MID1: variants seen among roughly 807,000 people sequenced by gnomAD.
The protein encoded by MID1 is midline 1.
MID1 carries 7 observed loss-of-function variants against 40.4 expected under a neutral mutation model. The ratio of observed to expected loss-of-function variants is 0.17; its 90% CI spans 0.10 to 0.33. MID1 has a LOEUF of 0.33. Among genes scored for constraint, MID1 ranks in the 10% least tolerant of loss-of-function variants. MID1 has a pLI of 1.00. For missense variants in MID1, 367 were observed against 558.5 expected, an observed-to-expected ratio of 0.66 and a Z score of 3.46; for synonymous variants, 229 against 221.2, an observed-to-expected ratio of 1.04 and a Z score of -0.31.
In MID1 at chrX:10,567,399, GACTCC is replaced by G; in HGVS notation, c.144_148del (p.Glu49HisfsTer57). On this transcript the variant is annotated frameshift_variant, in exon 2 of 10. Coordinates refer to ENST00000317552, the MANE Select transcript of MID1 (RefSeq NM_000381.4). LOFTEE classifies it high-confidence loss of function. ...GGTGGGGCACTGGAAGGCGGTGATGGACTCCACAGACTCGTTGGTGGCACAGTGTG... is the reference window on the plus strand; with the variant it reads ...GGTGGGGCACTGGAAGGCGGTGATGGACAGACTCGTTGGTGGCACAGTGTG... 8.3e-7 allele frequency: 1 copy of G among 1,205,263 alleles called. No individual in the cohort carries two copies. Among genetic ancestry groups the G allele is most frequent in the Non-Finnish European group, 1.1e-6 (1 of 891,256 alleles).
intron 1 of MID1, among the ~76,000 whole-genome samples, chrX:10,824,402 G>T (rs1333739162): frequency 1.8e-5 from 2 of 112,248 alleles, no homozygotes; most frequent in Non-Finnish European, 3.8e-5. Context: ...ATTGGCAAAT[G>T]ATTTATTGGC....
chrX:10,500,254 G>A (rs777025689), intron 3 of MID1, among the ~76,000 whole-genome samples: 1 of 111,804 alleles, frequency 8.9e-6, no homozygotes, highest in Admixed American at 9.5e-5. Context: ...CAAAAAAGTG[G>A]GCTGAAATCT....
At chrX:10,457,710 C>G (rs1430838840) in intron 8 of MID1, among the ~76,000 whole-genome samples, 1 of 112,453 alleles carries the variant, frequency 8.9e-6, no homozygotes, top group Non-Finnish European at 1.9e-5. Context: ...AAGAAACTCC[C>G]TGGTGTGGCC....
intron 1 of MID1, among the ~76,000 whole-genome samples, chrX:10,598,852 G>C (rs1281542916): frequency 8.9e-6 from 1 of 112,081 alleles, no homozygotes; most frequent in African/African-American, 3.2e-5. Flanking sequence ...AGAGAACACA[G>C]CTGGGCCACC....
intron 1 of MID1, among the ~76,000 whole-genome samples, chrX:10,612,405 C>T (rs760036680): frequency 1.5e-4 from 17 of 111,959 alleles, no homozygotes; most frequent in Non-Finnish European, 2.3e-4. Flanking sequence ...AAAGAAGTCA[C>T]GCTTTCTTCT....
chrX:10,465,351 G>A (rs984467169), intron 7 of MID1, among the ~76,000 whole-genome samples: 1 of 106,136 alleles, frequency 9.4e-6, no homozygotes, highest in African/African-American at 3.5e-5. Flanking sequence ...TGGTCCCCAG[G>A]ATTCCAACTC....
At chrX:10,822,006 C>G (rs561960644) in intron 1 of MID1, among the ~76,000 whole-genome samples, 1 of 110,716 alleles carries the variant, frequency 9.0e-6, no homozygotes, top group African/African-American at 3.3e-5. Context: ...TCTTTTTTTT[C>G]TCATTTTTTT....
Position 10,631,915 on chromosome X carries a change from G to A in MID1, c.-186-11496C>T, listed in dbSNP as rs771394082. Among the ~76,000 whole-genome samples, 5 of 111,596 alleles carry A rather than the reference G, an allele frequency of 4.5e-5. No individual in the cohort carries two copies. The East Asian group carries it at 1.4e-3, about 32-fold the overall frequency. ...CCCAGATACCGAACAGGAAGCAATTGTTCAGACACACTTCTAAGTAGCTCC... is the reference window on the plus strand; with the variant it reads ...CCCAGATACCGAACAGGAAGCAATTATTCAGACACACTTCTAAGTAGCTCC... On this transcript the variant is annotated intron_variant, in intron 1 of 10. Transcript: ENST00000380785.
chrX:10,506,950 C>T (rs975662143), intron 3 of MID1, among the ~76,000 whole-genome samples: 4 of 111,824 alleles, frequency 3.6e-5, no homozygotes, highest in African/African-American at 1.3e-4. Flanking sequence ...AAAGAAAACA[C>T]GTGACATCTA....
intron 1 of MID1, among the ~76,000 whole-genome samples, chrX:10,717,203 T>C (rs1484163190): frequency 2.7e-5 from 3 of 111,207 alleles, no homozygotes; most frequent in Non-Finnish European, 1.9e-5. Flanking sequence ...AATATTAACC[T>C]TAAATGTAAA....
intron 1 of MID1, among the ~76,000 whole-genome samples, chrX:10,796,769 T>C (rs890910970): frequency 3.6e-5 from 4 of 110,786 alleles, no homozygotes; most frequent in Non-Finnish European, 1.9e-5. Context: ...TTCCCCTTTC[T>C]ATGCTTGAAG....
chrX:10,777,370 T>C (rs1443625737), intron 1 of MID1, among the ~76,000 whole-genome samples: 3 of 39,466 alleles, frequency 7.6e-5, no homozygotes, highest in African/African-American at 3.1e-4. Flanking sequence ...GCTAATTTTT[T>C]TGTATTTTTA....
intron 1 of MID1, among the ~76,000 whole-genome samples, chrX:10,712,652 G>T (rs1229472782): frequency 9.0e-6 from 1 of 110,575 alleles, no homozygotes; most frequent in Non-Finnish European, 1.9e-5. Context: ...AGTGTACTTT[G>T]CTTCCTTTCA....
chrX:10,621,500 G>A (rs909767684), upstream of MID1, among the ~76,000 whole-genome samples: 2 of 112,334 alleles, frequency 1.8e-5, no homozygotes, highest in Non-Finnish European at 3.8e-5. Context: ...TGAGCAAAGA[G>A]TACTTTGTGT....
At chrX:10,510,792 A>G (rs1441835868) in intron 3 of MID1, among the ~76,000 whole-genome samples, 1 of 92,327 alleles carries the variant, frequency 1.1e-5, no homozygotes, top group Non-Finnish European at 2.1e-5. Context: ...AGATCACGCC[A>G]CCGCACTCCA....
chrX:10,560,316 C>G (rs1934283989), intron 2 of MID1, among the ~76,000 whole-genome samples: 1 of 111,331 alleles, frequency 9.0e-6, no homozygotes, highest in African/African-American at 3.3e-5. Context: ...TGGCACAAGA[C>G]AAGGATGCCC....
chrX:10,727,490 C>G (rs755548808), intron 1 of MID1, among the ~76,000 whole-genome samples: 60 of 112,238 alleles, frequency 5.3e-4, no homozygotes, highest in Middle Eastern at 4.7e-3. Flanking sequence ...TGTATAGATG[C>G]AAATTAAATG....
chrX:10,592,146 GGTGT>G (rs61450722), intron 1 of MID1, among the ~76,000 whole-genome samples: 25 of 102,307 alleles, frequency 2.4e-4, no homozygotes, highest in South Asian at 1.8e-3. Flanking sequence ...AATGGCTTGT[GGTGT>G]GTGTGTGTGT....
chrX:10,757,280 G>A (rs1037695129), intron 1 of MID1, among the ~76,000 whole-genome samples: 1 of 112,375 alleles, frequency 8.9e-6, no homozygotes, highest in Non-Finnish European at 1.9e-5. Flanking sequence ...TTGGATTACC[G>A]AGTTGACAGA....
Sources: gnomAD v4.1 joint callset for allele counts (sites outside exome capture counted in the v4.1 genomes callset) on GRCh38, gnomAD v4.1.1 for gene constraint, MANE v1.5 for transcripts, NCBI Gene and HGNC (gene_info 2026-07-23, HGNC 2026-07-21) for gene names.